ACACB: variants seen among roughly 807,000 people sequenced by gnomAD.
ACACB encodes acetyl-CoA carboxylase 2.
ACACB carries 209 observed loss-of-function variants against 278.8 expected under a neutral mutation model. The ratio of observed to expected loss-of-function variants is 0.75; its 90% CI spans 0.67 to 0.84. The LOEUF is 0.84. ACACB is among the 40% of genes least tolerant of loss of function. The pLI, the probability that ACACB is intolerant of heterozygous loss-of-function variation, is 0.00. For synonymous variants in ACACB, 1,174 were observed against 1,285.6 expected (o/e 0.91, Z 1.86); for missense variants, 2,850 against 3,269.0 (o/e 0.87, Z 3.13).
At position 109,176,133 on chromosome 12, in the gene ACACB, T is replaced by A; in HGVS notation, c.1327-20T>A. The A allele has an allele frequency of 6.2e-7, 1 of 1,613,784 alleles. No homozygotes were observed. Among genetic ancestry groups the A allele is most frequent in the East Asian group, 2.2e-5 (1 of 44,892 alleles). Reference sequence around the variant, plus strand: ...CAACTGGCTAACCTCTAAAGAGGTCTGTTTGTCCTTTGCACCCAGGCAGCA... The same window carrying A: ...CAACTGGCTAACCTCTAAAGAGGTCAGTTTGTCCTTTGCACCCAGGCAGCA... On this transcript the variant is annotated intron_variant, in intron 8 of 52. Coordinates refer to ENST00000338432, the MANE Select transcript of ACACB (RefSeq NM_001093.4).
chr12:109,124,566 C>T (rs2042631279), intron 1 of ACACB, among the ~76,000 whole-genome samples: 1 of 152,196 alleles, frequency 6.6e-6, no homozygotes, highest in Admixed American at 6.5e-5. Flanking sequence ...CGTAAAGTTC[C>T]CTATCACCCT....
intron 26 of ACACB, among the ~76,000 whole-genome samples, chr12:109,223,339 C>T (rs749793560): frequency 2.0e-5 from 3 of 152,162 alleles, no homozygotes; most frequent in Non-Finnish European, 2.9e-5. Flanking sequence ...GAGTTCTTCA[C>T]CAGCTCTCCT....
intron 40 of ACACB, chr12:109,249,036 G>A (rs565580167): frequency 6.6e-6 from 1 of 152,212 alleles, no homozygotes; most frequent in Non-Finnish European, 1.5e-5. Context: ...AAACCAAAAA[G>A]TATCTGAGAC....
chr12:109,228,430 G>C (rs1427555685), intron 28 of ACACB, among the ~76,000 whole-genome samples: 2 of 151,852 alleles, frequency 1.3e-5, no homozygotes, highest in Non-Finnish European at 2.9e-5. Flanking sequence ...GAAGGGGGCA[G>C]ATCAGGAACT....
intron 24 of ACACB, among the ~76,000 whole-genome samples, chr12:109,218,131 G>A (rs1029782237): frequency 1.9e-4 from 29 of 152,330 alleles, no homozygotes; most frequent in Middle Eastern, 3.4e-3. Context: ...AGTCCTGTGT[G>A]TGGAGAAGAA....
At chr12:109,140,234 C>G in intron 2 of ACACB, among the ~76,000 whole-genome samples, 176 bp downstream of exon 2, 1 of 127,252 alleles carries the variant, frequency 7.9e-6, no homozygotes, top group East Asian at 2.1e-4. Flanking sequence ...TTCCTTCCTT[C>G]CTTCCTTCCT....
At chr12:109,250,966 G>T (rs2047078725) in intron 41 of ACACB, among the ~76,000 whole-genome samples, 1 of 152,086 alleles carries the variant, frequency 6.6e-6, no homozygotes, top group African/African-American at 2.4e-5. Flanking sequence ...TTCCCTTGGG[G>T]TGGGCTGTCT....
At chr12:109,164,707 G>A (rs2136144518) in intron 2 of ACACB, among the ~76,000 whole-genome samples, 1 of 144,308 alleles carries the variant, frequency 6.9e-6, no homozygotes, top group African/African-American at 2.5e-5. Flanking sequence ...ACCATGCCTA[G>A]CTAATTTAAA....
intron 37 of ACACB, among the ~76,000 whole-genome samples, chr12:109,242,949 G>A (rs958727621): frequency 5.3e-5 from 8 of 152,060 alleles, no homozygotes; most frequent in African/African-American, 4.8e-5. Flanking sequence ...CTGGGTGACC[G>A]AGTGAGACCC....
intron 43 of ACACB, among the ~76,000 whole-genome samples, chr12:109,253,814 C>G (rs546516462): frequency 6.6e-6 from 1 of 152,290 alleles, no homozygotes; most frequent in Admixed American, 6.5e-5. Flanking sequence ...TCACAAATGT[C>G]AGTTTGTATT....
intron 20 of ACACB, 124 bp downstream of exon 20, chr12:109,206,980 T>G: frequency 8.8e-7 from 1 of 1,134,444 alleles, no homozygotes; most frequent in Non-Finnish European, 1.2e-6. Flanking sequence ...TTGTTTTTAT[T>G]TTATTTATTT....
At chr12:109,160,367 G>A (rs1460678367) in intron 2 of ACACB, among the ~76,000 whole-genome samples, 1 of 152,152 alleles carries the variant, frequency 6.6e-6, no homozygotes, top group Non-Finnish European at 1.5e-5. Flanking sequence ...TCGTGAACCT[G>A]GAGATGACAG....
In ACACB at chr12:109,174,240, C is replaced by A; in HGVS notation, c.1216+10C>A. 1.2e-6 allele frequency: 2 copies of A among 1,601,848 alleles called. No homozygotes were observed. The highest frequency in any genetic ancestry group is 1.7e-6 in the Non-Finnish European group (2 of 1,174,038). On this transcript the variant is annotated intron_variant, in intron 7 of 52. Transcript: ENST00000338432. ...CCCTGGAGTGGAAGCGGTAAGGGAC[C>A]CCGAGCTTCCCTCTGGGGGAGCTTC...
At chr12:109,118,586 G>GT (rs1355586759) in intron 1 of ACACB, among the ~76,000 whole-genome samples, 3 of 151,888 alleles carry the variant, frequency 2.0e-5, no homozygotes, top group Non-Finnish European at 4.4e-5. Context: ...GCTAATTTTT[G>GT]TATTTTTAGT....
At chr12:109,176,284 C>G (rs376782921) in intron 9 of ACACB, 21 bp downstream of exon 9, 2 of 1,589,972 alleles carry the variant, frequency 1.3e-6, no homozygotes, top group Non-Finnish European at 1.7e-6. Context: ...CTTGCTGTGT[C>G]TTTTCGCATC....
intron 24 of ACACB, among the ~76,000 whole-genome samples, chr12:109,220,235 C>T (rs1305024425): frequency 6.6e-6 from 1 of 152,120 alleles, no homozygotes; most frequent in East Asian, 1.9e-4. Context: ...ATTACAGTCT[C>T]GGGATAAATG....
rs191412046 is a variant in ACACB at position 109,156,851 on chromosome 12, C to G, written c.654-10010C>G. ...TCTTCTCAGTAACTCCAATTCGAGG[C>G]TGATGGGTGCAACAGTAATAGCCAC... On this transcript the variant is annotated intron_variant, in intron 2 of 52. Transcript: ENST00000338432. 7.2e-5 allele frequency among the ~76,000 whole-genome samples: 11 copies of G among 152,210 alleles called. No individual in the cohort carries two copies. The East Asian group carries it at 1.9e-3, about 27-fold the overall frequency.
intron 40 of ACACB, 171 bp from the exon 41 acceptor site, chr12:109,249,813 T>A (rs1028391131): frequency 1.6e-5 from 11 of 704,250 alleles, no homozygotes; most frequent in Non-Finnish European, 2.0e-5. Flanking sequence ...CTTTTAGAAA[T>A]CTTAGCACTC....
chr12:109,146,686 G>A (rs2043250718), intron 2 of ACACB, among the ~76,000 whole-genome samples: 1 of 151,966 alleles, frequency 6.6e-6, no homozygotes, highest in African/African-American at 2.4e-5. Context: ...TTTTTATTTT[G>A]TTTTTTGAGA....
Sources: gnomAD v4.1 joint callset for allele counts (sites outside exome capture counted in the v4.1 genomes callset) on GRCh38, gnomAD v4.1.1 for gene constraint, MANE v1.5 for transcripts, NCBI Gene and HGNC (gene_info 2026-07-23, HGNC 2026-07-21) for gene names.